Variants in PWWP3A observed in about 807,000 individuals in gnomAD.
PWWP3A encodes PWWP domain-containing DNA repair factor 3A.
PWWP3A carries 53 observed loss-of-function variants against 79.0 expected under a neutral mutation model. That is an observed-to-expected ratio of 0.67 (90% CI 0.54 to 0.84). The LOEUF (loss-of-function observed/expected upper bound fraction) is 0.84, where lower values mean the gene tolerates loss of function less well. Among genes scored for constraint, PWWP3A ranks in the 40% least tolerant of loss-of-function variants. The probability of loss-of-function intolerance (pLI) is 0.00; values close to 1 mark genes in which losing one functional copy is unlikely to be tolerated. For synonymous variants in PWWP3A, 443 were observed against 394.4 expected, an observed-to-expected ratio of 1.12 and a Z score of -1.46; for missense variants, 973 against 948.0, an observed-to-expected ratio of 1.03 and a Z score of -0.35.
chr19:1,371,246 C>A, intron 12 of PWWP3A, 168 bp downstream of exon 12: 2 of 793,362 alleles, frequency 2.5e-6, no homozygotes, highest in South Asian at 1.4e-5. Context: ...CTGGGAAATG[C>A]GAGTGCGTGC....
Position 1,364,553 on chromosome 19 carries a change from A to T in PWWP3A, c.1258A>T (p.Lys420Ter). The change falls in exon 7 of 14, where the codon AAA (lysine) becomes TAA (stop). Residue 420 changes from lysine (K) to a stop codon, truncating the protein, a stop_gained. Coordinates refer to ENST00000591337, the MANE Select transcript of PWWP3A (RefSeq NM_001369789.1). LOFTEE classifies it high-confidence loss of function. ...AGGAATGCTAGTCTGGCATAAACATAAAAAATACCCCTTCTGGCCAGCAGT... is the reference window on the plus strand; with the variant it reads ...AGGAATGCTAGTCTGGCATAAACATTAAAAATACCCCTTCTGGCCAGCAGT... ...EVGMLVWHKH[K>*]KYPFWPAVVK... is the part of the protein sequence containing the mutation. 1.2e-6 allele frequency: 2 copies of T among 1,608,740 alleles called. No homozygotes were observed. Among genetic ancestry groups the T allele is most frequent in the African/African-American group, 1.3e-5 (1 of 74,658 alleles).
chr19:1,370,209 C>T (rs900473760), intron 11 of PWWP3A, among the ~76,000 whole-genome samples: 1 of 152,204 alleles, frequency 6.6e-6, no homozygotes, highest in African/African-American at 2.4e-5. Flanking sequence ...GCACTCCAGC[C>T]TGGGTGACAG....
chr19:1,374,866 C>A (rs1034099275), intron 13 of PWWP3A, among the ~76,000 whole-genome samples: 11 of 152,150 alleles, frequency 7.2e-5, no homozygotes, highest in African/African-American at 2.7e-4. Context: ...ATCATTATGC[C>A]ACTGCACCCT....
chr19:1,359,956 G>C, intron 4 of PWWP3A, 180 bp from the exon 5 acceptor site: 1 of 587,616 alleles, frequency 1.7e-6, no homozygotes, highest in Non-Finnish European at 2.7e-6. Flanking sequence ...AATAGCTGTC[G>C]TTCTGTAGCC....
At chr19:1,371,613 T>C in intron 12 of PWWP3A, 1 of 582,656 alleles carries the variant, frequency 1.7e-6, no homozygotes, top group Non-Finnish European at 3.1e-6. Flanking sequence ...GATTTTGAAG[T>C]TTGTATCTGA....
chr19:1,356,892 T>C (rs2081884549), intron 2 of PWWP3A, 117 bp from the exon 3 acceptor site: 1 of 756,332 alleles, frequency 1.3e-6, no homozygotes, highest in Non-Finnish European at 2.2e-6. Flanking sequence ...ACCAAATATC[T>C]GAAATCCCAT....
chr19:1,369,240 G>C lies in PWWP3A; in HGVS notation c.1423-25G>C, dbSNP rs1185034503. 1 of 1,612,992 alleles carries C rather than the reference G, an allele frequency of 6.2e-7. No individual in the cohort carries two copies. The highest frequency in any genetic ancestry group is 1.3e-5 in the African/African-American group (1 of 75,028). ...GTGCTTGGCACTGCCTCCCACTGAC[G>C]CCTGCTGCCCGGATCTCATTGTAGA... is the stretch of plus-strand genomic sequence containing the variant. On this transcript the variant is annotated intron_variant, in intron 9 of 13. Transcript: ENST00000591337. The surrounding 1 kb of genome is among the most constrained non-coding windows in gnomAD (Gnocchi z 4.0).
In PWWP3A at chr19:1,360,298, A is replaced by C. The variant is rs768595431; in HGVS notation, c.377A>C (p.His126Pro). 6.2e-7 allele frequency: 1 copy of C among 1,613,948 alleles called. No homozygotes were observed. Among genetic ancestry groups the C allele is most frequent in the Non-Finnish European group, 8.5e-7 (1 of 1,179,866 alleles). The change falls in exon 5 of 14, where the codon CAT becomes CCT. Residue 126 changes from histidine to proline, a missense_variant. By Grantham distance (77) the His-to-Pro change is moderately conservative (BLOSUM62 -2). Coordinates refer to ENST00000591337, the MANE Select transcript of PWWP3A (RefSeq NM_001369789.1). The surrounding 1 kb of genome is among the most constrained non-coding windows in gnomAD (Gnocchi z 4.4). ...TCTCTGCGAGGGAAGCCCATGGAGC[A>C]TGTCTCCTCGCCCTGTGATTCGAAC... ...DRSLRGKPME[H>P]VSSPCDSNSS...
intron 4 of PWWP3A, chr19:1,358,985 G>T (rs930744332): frequency 1.9e-5 from 6 of 314,766 alleles, no homozygotes; most frequent in African/African-American, 1.3e-4. Context: ...GGGGCACGAG[G>T]CAGGTCGGAA....
chr19:1,375,587 A>ATATTATATATAAAATGTG (rs1442385971), intron 13 of PWWP3A, among the ~76,000 whole-genome samples: 1 of 138,122 alleles, frequency 7.2e-6, no homozygotes, highest in Non-Finnish European at 1.6e-5. Flanking sequence ...TATAAAATGT[A>ATATTATATATAAAATGTG]TAATTTTATA....
chr19:1,368,932 C>T lies in PWWP3A; in HGVS notation c.1423-333C>T, dbSNP rs942036908. The stretch of plus-strand genomic sequence containing the variant: ...CTGCGTTCAGACCAGCCCAAGCCAT[C>T]GGGTCCCCGGTGCCCACCTGCGTTC... On this transcript the variant is annotated intron_variant, in intron 9 of 13. Coordinates refer to ENST00000591337, the MANE Select transcript of PWWP3A (RefSeq NM_001369789.1). This position sits in a 1 kb window ranked among gnomAD's most constrained non-coding sequence, Gnocchi z 4.7. Among the ~76,000 whole-genome samples the T allele has an allele frequency of 7.2e-6, 1 of 138,552 alleles. No individual in the cohort carries two copies. Among genetic ancestry groups the T allele is most frequent in the Non-Finnish European group, 1.6e-5 (1 of 63,162 alleles). The allele number at this position is 138,552 out of a possible 152,430, so 90.9% of individuals were successfully genotyped here. A position where few individuals can be genotyped will look rare whatever the true frequency, so the allele number is the denominator to read the frequency against.
chr19:1,373,803 A>G (rs1380939786), intron 13 of PWWP3A: 1 of 152,628 alleles, frequency 6.6e-6, no homozygotes, highest in South Asian at 2.1e-4. Flanking sequence ...TGGTGAAGAC[A>G]CTGAACTCCC....
chr19:1,368,940 C>T lies in PWWP3A; in HGVS notation c.1423-325C>T, dbSNP rs552971946. 7.1e-6 allele frequency among the ~76,000 whole-genome samples: 1 copy of T among 140,014 alleles called. No individual in the cohort carries two copies. The highest frequency in any genetic ancestry group is 2.7e-5 in the African/African-American group (1 of 37,006). The allele number at this position is 140,014 out of a possible 152,430, so 91.9% of individuals were successfully genotyped here. A position where few individuals can be genotyped will look rare whatever the true frequency, so the allele number is the denominator to read the frequency against. On this transcript the variant is annotated intron_variant, in intron 9 of 13. Transcript: ENST00000591337. The surrounding 1 kb of genome is among the most constrained non-coding windows in gnomAD (Gnocchi z 4.7). ...AGACCAGCCCAAGCCATCGGGTCCC[C>T]GGTGCCCACCTGCGTTCAGATCAGC...
chr19:1,355,326 A>G (rs1246731371), intron 1 of PWWP3A, among the ~76,000 whole-genome samples, 191 bp downstream of exon 1: 1 of 147,682 alleles, frequency 6.8e-6, no homozygotes, highest in Non-Finnish European at 1.5e-5. Flanking sequence ...CTTTGCCTGG[A>G]CTCCTTTTCC....
chr19:1,370,962 C>T lies in PWWP3A; in HGVS notation c.1870C>T (p.Gln624Ter). ...GGAGACCTACCTGGAGGATGAGGGG[C>T]AGCTGGACCTGGTGGTGAAGTACCT... ...CVETYLEDEG[Q>*]LDLVVKYLQG... Residue 624 changes from glutamine to a stop codon, truncating the protein, a stop_gained, in exon 12 of 14, where the codon CAG (glutamine) becomes TAG (stop). Transcript: ENST00000591337. LOFTEE classifies it high-confidence loss of function. 3 of 1,559,682 alleles carry T rather than the reference C, an allele frequency of 1.9e-6. No individual in the cohort carries two copies. The South Asian group carries it at 3.5e-5, about 18-fold the overall frequency.
intron 3 of PWWP3A, chr19:1,358,039 C>T (rs1051427789): frequency 8.7e-6 from 2 of 231,042 alleles, no homozygotes; most frequent in Non-Finnish European, 1.7e-5. Context: ...ACCTGCTGGG[C>T]TGTAAACAGC....
rs956931880 is a variant in PWWP3A, at chr19:1,377,984, G to C, written c.*1408G>C. The C allele has an allele frequency of 6.6e-6, 1 of 152,284 alleles. No homozygotes were observed. The highest frequency in any genetic ancestry group is 1.5e-5 in the Non-Finnish European group (1 of 68,082). The allele number at this position is 152,284 out of a possible 1,614,324, so 9.4% of individuals were successfully genotyped here. A position where few individuals can be genotyped will look rare whatever the true frequency, so the allele number is the denominator to read the frequency against. Reference sequence around the variant, plus strand: ...AGAGGCGGCGGCTGCTCTGGACCTCGGTGTTCACTGACCTTTGTTTCACTT... The same window carrying C: ...AGAGGCGGCGGCTGCTCTGGACCTCCGTGTTCACTGACCTTTGTTTCACTT... On this transcript the variant is annotated 3_prime_UTR_variant, in exon 14 of 14. Coordinates refer to ENST00000591337, the MANE Select transcript of PWWP3A (RefSeq NM_001369789.1).
At chr19:1,367,093 A>G (rs746654591) in intron 8 of PWWP3A, 67 bp from the exon 9 acceptor site, 55 of 1,311,508 alleles carry the variant, frequency 4.2e-5, no homozygotes, top group Admixed American at 1.3e-4. Flanking sequence ...AATCAGAGAC[A>G]GGGAAAGGTT....
Position 1,369,708 on chromosome 19 carries a change from C to G in PWWP3A, c.1549+62C>G, listed in dbSNP as rs922339147. ...CCTTTTAGCCCTTTAGAAAAACAAT[C>G]TTCTATGTCTGAAGCTGTGGAAGGG... On this transcript the variant is annotated intron_variant, in intron 11 of 13. Transcript: ENST00000591337. This position sits in a 1 kb window ranked among gnomAD's most constrained non-coding sequence, Gnocchi z 4.0. The G allele has an allele frequency of 3.8e-6, 6 of 1,559,000 alleles. No homozygotes were observed. The highest frequency in any genetic ancestry group is 5.3e-6 in the Non-Finnish European group (6 of 1,129,926).
Sources: gnomAD v4.1 joint callset for allele counts (sites outside exome capture counted in the v4.1 genomes callset) on GRCh38, gnomAD v4.1.1 for gene constraint, Gnocchi (gnomAD v3.1) non-coding constraint, MANE v1.5 for transcripts, NCBI Gene and HGNC (gene_info 2026-07-23, HGNC 2026-07-21) for gene names.